Variants in FBXO11 observed in about 807,000 individuals in gnomAD.
FBXO11 encodes F-box only protein 11.
Under a neutral mutation model 117.0 loss-of-function variants are expected in FBXO11, and 13 were observed. The ratio of observed to expected loss-of-function variants is 0.11; its 90% CI spans 0.07 to 0.18. The LOEUF (loss-of-function observed/expected upper bound fraction) is 0.18. Among genes scored for constraint, FBXO11 ranks in the 10% least tolerant of loss-of-function variants. FBXO11 has a pLI of 1.00. For missense variants in FBXO11, 767 were observed against 1,164.4 expected (o/e 0.66, Z 4.97); for synonymous variants, 490 against 380.5 (o/e 1.29, Z -3.35).
rs746354180 is a variant in FBXO11, at chr2:47,830,292, G to A, written c.1398+2057C>T. Among the ~76,000 whole-genome samples, 36 of 152,074 alleles carry A rather than the reference G, an allele frequency of 2.4e-4. 1 individual carries two copies. The highest frequency in any genetic ancestry group is 5.0e-4 in the Non-Finnish European group (34 of 68,010). On this transcript the variant is annotated intron_variant, in intron 11 of 22. Transcript: ENST00000403359. The stretch of plus-strand genomic sequence containing the variant: ...AATGTCTACAGAATCGTGAGGGAAA[G>A]AAAGAAACTCAGCTAAGTTAAAAGG...
intron 1 of FBXO11, among the ~76,000 whole-genome samples, chr2:47,854,765 G>C (rs1054403593): frequency 6.6e-6 from 1 of 152,054 alleles, no homozygotes; most frequent in Non-Finnish European, 1.5e-5. Flanking sequence ...GATGCTGATG[G>C]TGGTGGACCA....
chr2:47,881,070 T>C (rs1262520459), intron 1 of FBXO11, among the ~76,000 whole-genome samples: 1 of 152,152 alleles, frequency 6.6e-6, no homozygotes, highest in Non-Finnish European at 1.5e-5. Context: ...CTGGCCAACA[T>C]GGTGAAACCC....
chr2:47,858,681 C>CAAAAAAAA (rs902232765), intron 1 of FBXO11, among the ~76,000 whole-genome samples: 1 of 67,498 alleles, frequency 1.5e-5, no homozygotes, highest in Non-Finnish European at 2.9e-5. Flanking sequence ...GACTCTGCCT[C>CAAAAAAAA]AAAAAAAAAA....
chr2:47,895,381 A>G (rs1027978090), intron 1 of FBXO11, among the ~76,000 whole-genome samples: 1 of 152,242 alleles, frequency 6.6e-6, no homozygotes. Context: ...AACAAATATT[A>G]AGGGAGAATT....
chr2:47,807,139 G>A lies in FBXO11; in HGVS notation c.*979C>T. ...ATGGGGGAGGAAAAGCTATGAAACTGTATAGGGCTGTATATATACTTGTCT... is the reference window on the plus strand; with the variant it reads ...ATGGGGGAGGAAAAGCTATGAAACTATATAGGGCTGTATATATACTTGTCT... On this transcript the variant is annotated 3_prime_UTR_variant, in exon 23 of 23. Coordinates refer to ENST00000403359, the MANE Select transcript of FBXO11 (RefSeq NM_001190274.2). 1 of 402,706 alleles carries A rather than the reference G, an allele frequency of 2.5e-6. No homozygotes were observed. Among genetic ancestry groups the A allele is most frequent in the South Asian group, 3.4e-5 (1 of 29,124 alleles). The allele number at this position is 402,706 out of a possible 1,614,324, so 24.9% of individuals were successfully genotyped here. A position where few individuals can be genotyped will look rare whatever the true frequency, so the allele number is the denominator to read the frequency against.
chr2:47,832,511 C>T (rs371421704), intron 10 of FBXO11, 25 bp from the exon 11 acceptor site: 3 of 1,610,228 alleles, frequency 1.9e-6, no homozygotes, highest in Non-Finnish European at 1.7e-6. Flanking sequence ...CAGAAACAAA[C>T]ATCAGTAGAG....
At chr2:47,872,614 G>A (rs1460019838) in intron 1 of FBXO11, among the ~76,000 whole-genome samples, 1 of 152,270 alleles carries the variant, frequency 6.6e-6, no homozygotes, top group Non-Finnish European at 1.5e-5. Context: ...GTGAGCCACC[G>A]TGCCTGGCCT....
rs77404252 is a variant in FBXO11, at chr2:47,833,308, G to A, written c.935-238C>T. Among the ~76,000 whole-genome samples the A allele has an allele frequency of 5.4e-4, 82 of 152,142 alleles. 1 individual carries two copies. The East Asian group carries it at 0.014, about 25-fold the overall frequency. On this transcript the variant is annotated intron_variant, in intron 7 of 22. Coordinates refer to ENST00000403359, the MANE Select transcript of FBXO11 (RefSeq NM_001190274.2). The stretch of plus-strand genomic sequence containing the variant: ...AAAATGCAACGGCATATTAAAAAAT[G>A]GTTTCTTGTGGAAACAAAAACAAAA...
chr2:47,847,634 A>C (rs1221462136), intron 1 of FBXO11, among the ~76,000 whole-genome samples: 1 of 151,660 alleles, frequency 6.6e-6, no homozygotes, highest in African/African-American at 2.4e-5. Context: ...GCTTGAACCC[A>C]GGAGGTTGCA....
chr2:47,819,107 T>C (rs1240890417), intron 14 of FBXO11, 29 bp from the exon 15 acceptor site: 11 of 1,606,098 alleles, frequency 6.8e-6, no homozygotes, highest in South Asian at 5.6e-5. Context: ...GGTTATAATA[T>C]TTATCTTCTA....
At chr2:47,813,448 T>TTTTTG (rs1491382603) in intron 17 of FBXO11, 71 bp from the exon 18 acceptor site, 3 of 922,466 alleles carry the variant, frequency 3.3e-6, no homozygotes, top group Non-Finnish European at 4.5e-6. Flanking sequence ...TTTTTTTTTT[T>TTTTTG]GAGACAGAGT....
chr2:47,824,407 G>A (rs1485326398), intron 11 of FBXO11, among the ~76,000 whole-genome samples: 1 of 152,150 alleles, frequency 6.6e-6, no homozygotes, highest in Non-Finnish European at 1.5e-5. Flanking sequence ...TGGGAGGACT[G>A]TTTGAGCCTG....
Position 47,905,661 on chromosome 2 carries a change from C to T in FBXO11, c.60G>A (p.Val20=), listed in dbSNP as rs769270320. The T allele has an allele frequency of 1.9e-5, 29 of 1,498,262 alleles. No individual in the cohort carries two copies. In the South Asian group the frequency reaches 3.5e-4, roughly 18 times the overall value. 92.8% of individuals were successfully genotyped at this position (1,498,262 alleles called of 1,614,324 possible). A position where few individuals can be genotyped will look rare whatever the true frequency, so the allele number is the denominator to read the frequency against. Residue 20 remains valine (V), a synonymous_variant, in exon 1 of 23, where the codon GTG becomes GTA. Transcript: ENST00000403359. Reference sequence around the variant, plus strand: ...GCGGGGGCTGCTGCTGCTGTTGCTGCACCGGGCGCGGCCGCGACACTCGCC... The same window carrying T: ...GCGGGGGCTGCTGCTGCTGTTGCTGTACCGGGCGCGGCCGCGACACTCGCC... The part of the protein sequence containing the change: ...RPRRVSRPRP[V]QQQQQQPPQQ...
chr2:47,835,926 A>C lies in FBXO11; in HGVS notation c.663T>G (p.Ile221Met). 1.2e-6 allele frequency: 2 copies of C among 1,611,640 alleles called. No homozygotes were observed. Among genetic ancestry groups the C allele is most frequent in the South Asian group, 1.1e-5 (1 of 90,956 alleles). The change falls in exon 5 of 23, where the codon ATT becomes ATG. Residue 221 changes from isoleucine to methionine, a missense_variant. Coordinates refer to ENST00000403359, the MANE Select transcript of FBXO11 (RefSeq NM_001190274.2). Reference sequence around the variant, plus strand: ...TTGGATGTTCATACTCTTCTGGATTAATCTGGTAGAATTTTCCAGGTTCAG... The same window carrying C: ...TTGGATGTTCATACTCTTCTGGATTCATCTGGTAGAATTTTCCAGGTTCAG... The part of the protein sequence containing the change: ...MHPEPGKFYQ[I>M]NPEEYEHPNP...
At chr2:47,865,860 A>G (rs891676992) in intron 1 of FBXO11, 1 of 152,204 alleles carries the variant, frequency 6.6e-6, no homozygotes, top group Non-Finnish European at 1.5e-5. Flanking sequence ...TGGCAGAAAA[A>G]TATTTACTTC....
intron 1 of FBXO11, among the ~76,000 whole-genome samples, chr2:47,841,103 C>A (rs999998753): frequency 6.6e-6 from 1 of 151,658 alleles, no homozygotes; most frequent in African/African-American, 2.4e-5. Context: ...GAGGCTGAGG[C>A]AGGAGAATGG....
chr2:47,827,375 C>T lies in FBXO11; in HGVS notation c.1399-4015G>A, dbSNP rs188001861. Among the ~76,000 whole-genome samples, 359 of 149,088 alleles carry T rather than the reference C, an allele frequency of 2.4e-3. 2 individuals are homozygous for T. Among genetic ancestry groups the T allele is most frequent in the African/African-American group, 8.4e-3 (340 of 40,590 alleles). On this transcript the variant is annotated intron_variant, in intron 11 of 22. Coordinates refer to ENST00000403359, the MANE Select transcript of FBXO11 (RefSeq NM_001190274.2). ...AGGCTGGAGCGCAGTGGCGCACTTT[C>T]GGCTCACTGCAACCTCTACCTCCTG...
Position 47,905,501 on chromosome 2 carries a change from C to T in FBXO11, c.220G>A (p.Val74Ile). 1.6e-6 allele frequency: 2 copies of T among 1,232,130 alleles called. No individual in the cohort carries two copies. 76.3% of individuals were successfully genotyped at this position (1,232,130 alleles called of 1,614,324 possible). Residue 74 changes from valine to isoleucine, a missense_variant, in exon 1 of 23, where the codon GTC becomes ATC. This residue lies in a region of FBXO11 where 355 missense variants were observed against 299.8 expected (regional missense o/e 1.18). Transcript: ENST00000403359. ...AGCGCGGCCTTACCCCGCTCGCCGA[C>T]GTTGTTCCGCTCCTGAGGCAGCGGC... ...PPPLPQERNNVGERDDDVPAD... is the reference protein window; with the variant it reads ...PPPLPQERNNIGERDDDVPAD...
At chr2:47,904,815 G>T (rs1350213614) in intron 1 of FBXO11, among the ~76,000 whole-genome samples, 2 of 152,046 alleles carry the variant, frequency 1.3e-5, no homozygotes, top group Non-Finnish European at 2.9e-5. Context: ...TTTATTTAAA[G>T]GTCTTGATTT....
Sources: gnomAD v4.1 joint callset for allele counts (sites outside exome capture counted in the v4.1 genomes callset) on GRCh38, gnomAD v4.1.1 for gene constraint, gnomAD v4.1.1 regional missense constraint, MANE v1.5 for transcripts, NCBI Gene and HGNC (gene_info 2026-07-23, HGNC 2026-07-21) for gene names.